The following TNIP3 variants were observed in gnomAD, a reference collection of about 807,000 sequenced individuals.
TNIP3 encodes TNFAIP3-interacting protein 3.
In TNIP3, 34 loss-of-function variants were observed where a neutral mutation model predicts 54.1. That is an observed-to-expected ratio of 0.63 (90% CI 0.48 to 0.84). The LOEUF is 0.84. TNIP3 is among the 40% of genes least tolerant of loss of function. The pLI is 0.00. For missense variants in TNIP3, 366 were observed against 387.6 expected (o/e 0.94, Z 0.47); for synonymous variants, 134 against 136.8 (o/e 0.98, Z 0.14).
chr4:121,197,531 CAAA>C (rs531127977), intron 2 of TNIP3, among the ~76,000 whole-genome samples: 2 of 64,252 alleles, frequency 3.1e-5, no homozygotes. Context: ...GACTCTGTCT[CAAA>C]AAAAAAAAAA....
intron 9 of TNIP3, among the ~76,000 whole-genome samples, chr4:121,139,139 T>G (rs1728962188): frequency 6.6e-6 from 1 of 152,200 alleles, no homozygotes. Context: ...AGCTATTAAA[T>G]GGGGATTTGG....
At chr4:121,213,748 A>G (rs1029474976) in intron 2 of TNIP3, among the ~76,000 whole-genome samples, 1 of 151,874 alleles carries the variant, frequency 6.6e-6, no homozygotes, top group African/African-American at 2.4e-5. Context: ...AAACAAAAAA[A>G]GACATTCTTC....
At chr4:121,203,901 A>T (rs538211940) in intron 2 of TNIP3, among the ~76,000 whole-genome samples, 1 of 148,400 alleles carries the variant, frequency 6.7e-6, no homozygotes, top group African/African-American at 2.5e-5. Flanking sequence ...TATACAATAT[A>T]TGTGTGTATA....
At chr4:121,178,063 C>T (rs1392670529) in intron 3 of TNIP3, among the ~76,000 whole-genome samples, 11 of 152,128 alleles carry the variant, frequency 7.2e-5, no homozygotes, top group African/African-American at 9.7e-5. Context: ...ATGACAGTAT[C>T]GTTCCTGACA....
At chr4:121,210,161 G>T (rs1209521661) in intron 2 of TNIP3, among the ~76,000 whole-genome samples, 2 of 152,000 alleles carry the variant, frequency 1.3e-5, no homozygotes, top group Non-Finnish European at 2.9e-5. Flanking sequence ...TGCTCAAAAG[G>T]GTAGGTATGA....
chr4:121,175,905 G>A (rs1463733181), intron 3 of TNIP3, among the ~76,000 whole-genome samples: 2 of 152,170 alleles, frequency 1.3e-5, no homozygotes, highest in Non-Finnish European at 2.9e-5. Flanking sequence ...GGGTTGTCTG[G>A]TGGTGTACTT....
chr4:121,150,060 G>C (rs1387441515), intron 6 of TNIP3, 43 bp downstream of exon 6: 4 of 1,226,246 alleles, frequency 3.3e-6, no homozygotes, highest in Non-Finnish European at 4.7e-6. Flanking sequence ...TGAAAAATGG[G>C]CAGTATGTTC....
chr4:121,147,991 T>A (rs1729528922), intron 6 of TNIP3, among the ~76,000 whole-genome samples: 1 of 152,232 alleles, frequency 6.6e-6, no homozygotes, highest in African/African-American at 2.4e-5. Flanking sequence ...TAAGGCTTTA[T>A]TCACCAGAAG....
intron 2 of TNIP3, chr4:121,216,361 C>T: frequency 7.0e-7 from 1 of 1,421,498 alleles, no homozygotes; most frequent in Non-Finnish European, 9.6e-7. Flanking sequence ...CAGAAGTGCT[C>T]TAATTAGAAT....
chr4:121,149,260 A>G (rs1729600591), intron 6 of TNIP3, among the ~76,000 whole-genome samples: 1 of 152,112 alleles, frequency 6.6e-6, no homozygotes, highest in Admixed American at 6.5e-5. Context: ...TGGGGAGGAG[A>G]ATGCTCTTGT....
chr4:121,166,258 A>G (rs971324103), upstream of TNIP3, among the ~76,000 whole-genome samples: 6 of 152,340 alleles, frequency 3.9e-5, no homozygotes, highest in Admixed American at 6.5e-5. Context: ...CAGATTTTCT[A>G]TTAGCTCAAG....
chr4:121,133,570 C>G (rs1423509626), intron 10 of TNIP3, among the ~76,000 whole-genome samples: 1 of 152,124 alleles, frequency 6.6e-6, no homozygotes, highest in Non-Finnish European at 1.5e-5. Context: ...AAAATTAACT[C>G]CTTTTCAATT....
At chr4:121,205,781 C>G (rs569928333) in intron 2 of TNIP3, among the ~76,000 whole-genome samples, 1 of 152,036 alleles carries the variant, frequency 6.6e-6, no homozygotes, top group Non-Finnish European at 1.5e-5. Context: ...TAAAGTTGCC[C>G]TTTATTGAGA....
At chr4:121,180,152 A>G (rs954265617) in intron 3 of TNIP3, among the ~76,000 whole-genome samples, 2 of 152,182 alleles carry the variant, frequency 1.3e-5, no homozygotes, top group East Asian at 1.9e-4. Flanking sequence ...TGTAATCCCA[A>G]CACTTTGGGA....
chr4:121,157,379 C>T (rs1377200640), intron 3 of TNIP3, 136 bp from the exon 4 acceptor site: 4 of 1,067,450 alleles, frequency 3.7e-6, no homozygotes, highest in Non-Finnish European at 5.5e-6. Flanking sequence ...CTAGCTCCCA[C>T]CGTCCCGAAC....
At position 121,158,767 on chromosome 4, in the gene TNIP3, AT is replaced by A; in HGVS notation, c.148-16del. On this transcript the variant is annotated splice_polypyrimidine_tract_variant and intron_variant, in intron 2 of 10. Coordinates refer to ENST00000057513, the MANE Select transcript of TNIP3 (RefSeq NM_024873.6). ...ACTTCCAGGAGCTGAAATCATTAAA[AT>A]TTGGTGAATCAACAAAGAATTTCTG... The A allele has an allele frequency of 6.2e-7, 1 of 1,600,434 alleles. No individual in the cohort carries two copies. The highest frequency in any genetic ancestry group is 8.5e-7 in the Non-Finnish European group (1 of 1,175,394).
At chr4:121,137,045 T>G (rs1728827043) in intron 10 of TNIP3, among the ~76,000 whole-genome samples, 1 of 152,156 alleles carries the variant, frequency 6.6e-6, no homozygotes, top group Non-Finnish European at 1.5e-5. Context: ...CATATTCTAT[T>G]TAGTTTCTGA....
At chr4:121,180,314 G>A (rs1724612420) in intron 3 of TNIP3, among the ~76,000 whole-genome samples, 1 of 152,010 alleles carries the variant, frequency 6.6e-6, no homozygotes, top group Non-Finnish European at 1.5e-5. Flanking sequence ...GCAGGAGAAT[G>A]GCATGAACTC....
chr4:121,137,754 A>G (rs1334520714), intron 10 of TNIP3: 2 of 329,874 alleles, frequency 6.1e-6, no homozygotes, highest in African/African-American at 2.2e-5. Flanking sequence ...AACGAGATCA[A>G]ATTTCAAGAA....
Sources: gnomAD v4.1 joint callset for allele counts (sites outside exome capture counted in the v4.1 genomes callset) on GRCh38, gnomAD v4.1.1 for gene constraint, MANE v1.5 for transcripts, NCBI Gene and HGNC (gene_info 2026-07-23, HGNC 2026-07-21) for gene names.